The following WDR59 variants were observed in gnomAD, a reference collection of about 807,000 sequenced individuals.
WDR59 encodes WD repeat domain 59, also known as GATOR2 complex protein WDR59.
WDR59 carries 100 observed loss-of-function variants against 131.2 expected under a neutral mutation model. That is an observed-to-expected ratio of 0.76 (90% CI 0.65 to 0.90). The LOEUF (loss-of-function observed/expected upper bound fraction) is 0.90, where lower values mean the gene tolerates loss of function less well. WDR59 is among the 40% of genes least tolerant of loss of function. The pLI is 0.00. For missense variants in WDR59, 1,203 were observed against 1,262.2 expected (o/e 0.95, Z 0.71); for synonymous variants, 601 against 466.2 (o/e 1.29, Z -3.72).
chr16:74,949,629 AG>A, intron 5 of WDR59, 88 bp downstream of exon 5: 2 of 1,156,998 alleles, frequency 1.7e-6, no homozygotes, highest in Non-Finnish European at 2.5e-6. Flanking sequence ...GTCTGTATCG[AG>A]GGGAAACCAA....
chr16:74,887,076 C>T (rs1223185615), intron 23 of WDR59, among the ~76,000 whole-genome samples: 1 of 152,168 alleles, frequency 6.6e-6, no homozygotes, highest in Non-Finnish European at 1.5e-5. Flanking sequence ...AATGACCACA[C>T]TCCTGCACAC....
chr16:74,963,588 G>A (rs922494180), intron 2 of WDR59, among the ~76,000 whole-genome samples: 4 of 150,234 alleles, frequency 2.7e-5, no homozygotes, highest in Admixed American at 6.7e-5. Flanking sequence ...GGGACTTGTT[G>A]GGGGGCCAGG....
Position 74,874,365 on chromosome 16 carries a change from C to A in WDR59, c.2769G>T (p.Gln923His). The A allele has an allele frequency of 1.9e-6, 3 of 1,614,154 alleles. No homozygotes were observed. The highest frequency in any genetic ancestry group is 2.2e-5 in the South Asian group (2 of 91,084). ...QCAICKGFTF[Q>H]CAICHVAVRG... The stretch of plus-strand genomic sequence containing the variant: ...GCACAGCCACGTGACAGATGGCACA[C>A]TGGAACGTGAAGCCTTTGCAGATGG... The change falls in exon 26 of 26, where the codon CAG (glutamine) becomes CAT (histidine). Residue 923 changes from glutamine to histidine, a missense_variant. Gln to His is a conservative substitution (Grantham distance 24). Coordinates refer to ENST00000262144, the MANE Select transcript of WDR59 (RefSeq NM_030581.4).
At chr16:74,941,685 C>G (rs2145094983) in intron 7 of WDR59, among the ~76,000 whole-genome samples, 1 of 127,420 alleles carries the variant, frequency 7.8e-6, no homozygotes, top group Non-Finnish European at 1.6e-5. Flanking sequence ...GAATGAGACT[C>G]TGTCTCAAGA....
intron 18 of WDR59, among the ~76,000 whole-genome samples, chr16:74,902,811 G>T (rs1255352351): frequency 2.0e-5 from 3 of 152,020 alleles, no homozygotes; most frequent in Non-Finnish European, 4.4e-5. Context: ...GAATGGAAAG[G>T]ACTTGGAAAT....
intron 1 of WDR59, among the ~76,000 whole-genome samples, chr16:74,976,734 C>T (rs534793889): frequency 6.6e-6 from 1 of 152,172 alleles, no homozygotes; most frequent in African/African-American, 2.4e-5. Flanking sequence ...AGCGACCAAG[C>T]CCGGCCTAAA....
At chr16:74,928,011 G>A (rs1232129856) in intron 8 of WDR59, among the ~76,000 whole-genome samples, 19 of 148,126 alleles carry the variant, frequency 1.3e-4, no homozygotes, top group African/African-American at 3.0e-4. Context: ...AAGTTCAAGC[G>A]AATCTCCTGC....
At chr16:74,981,411 T>G (rs2034399022) in intron 1 of WDR59, among the ~76,000 whole-genome samples, 1 of 146,770 alleles carries the variant, frequency 6.8e-6, no homozygotes, top group Non-Finnish European at 1.5e-5. Context: ...CACACAAAAT[T>G]GTGGGGCTTG....
chr16:74,969,875 C>T (rs1309654097), intron 1 of WDR59, among the ~76,000 whole-genome samples: 1 of 151,960 alleles, frequency 6.6e-6, no homozygotes, highest in Admixed American at 6.6e-5. Context: ...CAGCCTCAAA[C>T]TCCTAGATTC....
intron 18 of WDR59, among the ~76,000 whole-genome samples, chr16:74,902,822 G>T (rs1276596380): frequency 6.6e-6 from 1 of 152,024 alleles, no homozygotes; most frequent in Non-Finnish European, 1.5e-5. Context: ...ACTTGGAAAT[G>T]ATATAGATTA....
Position 74,904,441 on chromosome 16 carries a change from T to G in WDR59, c.1713-341A>C, listed in dbSNP as rs1172427410. ...TTTAAAAGCTCATTTATAGTAGCAT[T>G]AAAACACGTCAAATACCTAGGAATA... On this transcript the variant is annotated intron_variant, in intron 17 of 25. Coordinates refer to ENST00000262144, the MANE Select transcript of WDR59 (RefSeq NM_030581.4). The G allele has an allele frequency of 1.4e-5, 3 of 221,298 alleles. No homozygotes were observed. In the East Asian group the frequency reaches 4.2e-4, roughly 31 times the overall value. 13.7% of individuals were successfully genotyped at this position (221,298 alleles called of 1,614,324 possible). A position where few individuals can be genotyped will look rare whatever the true frequency, so the allele number is the denominator to read the frequency against.
chr16:74,964,844 C>G (rs913944142), intron 2 of WDR59, among the ~76,000 whole-genome samples: 3 of 152,036 alleles, frequency 2.0e-5, no homozygotes, highest in Non-Finnish European at 2.9e-5. Context: ...AGGTAGATCA[C>G]CTGAGGTCAG....
Position 74,921,941 on chromosome 16 carries a change from A to C in WDR59, c.886+6T>G. The stretch of plus-strand genomic sequence containing the variant: ...GGAAAGTGGGCAGCAGGCCTCTCCC[A>C]CTCACCTTCCTTCTGCTTCCTCCAC... On this transcript the variant is annotated splice_donor_region_variant and intron_variant, in intron 10 of 25. Coordinates refer to ENST00000262144, the MANE Select transcript of WDR59 (RefSeq NM_030581.4). The C allele has an allele frequency of 6.2e-7, 1 of 1,613,020 alleles. No individual in the cohort carries two copies. Among genetic ancestry groups the C allele is most frequent in the Non-Finnish European group, 8.5e-7 (1 of 1,179,670 alleles).
At chr16:74,906,207 G>A (rs1249472375) in intron 17 of WDR59, among the ~76,000 whole-genome samples, 6 of 150,202 alleles carry the variant, frequency 4.0e-5, no homozygotes, top group African/African-American at 9.8e-5. Context: ...CCAGCTACTC[G>A]GGAGGCTGAG....
In WDR59 at chr16:74,875,547, T is replaced by C. The variant is rs78281303; in HGVS notation, c.2690-1103A>G. 1.8e-3 allele frequency among the ~76,000 whole-genome samples: 268 copies of C among 152,256 alleles called. 1 individual carries two copies. Among genetic ancestry groups the C allele is most frequent in the African/African-American group, 6.3e-3 (260 of 41,556 alleles). On this transcript the variant is annotated intron_variant, in intron 25 of 25. Transcript: ENST00000262144. ...CTCTACCCCAGTTCTTAGATGATCC[T>C]GGAGGTCTCCCAAACCTACACCACT...
At chr16:74,896,788 G>A (rs1421546915) in intron 18 of WDR59, among the ~76,000 whole-genome samples, 2 of 152,170 alleles carry the variant, frequency 1.3e-5, no homozygotes, top group Non-Finnish European at 2.9e-5. Flanking sequence ...GTATACAAAT[G>A]TTTGACTGAG....
intron 17 of WDR59, 28 bp downstream of exon 17, chr16:74,908,880 G>C (rs181285026): frequency 3.4e-5 from 54 of 1,609,032 alleles, no homozygotes; most frequent in Admixed American, 6.7e-5. Context: ...CGGGAACGTA[G>C]AGCGGCTTCT....
intron 1 of WDR59, among the ~76,000 whole-genome samples, chr16:74,981,397 C>A (rs1221154642): frequency 5.5e-5 from 8 of 146,218 alleles, no homozygotes; most frequent in Non-Finnish European, 1.1e-4. Context: ...AAAAAAAACA[C>A]ACACACACAA....
At chr16:74,896,497 T>C (rs1249219200) in intron 18 of WDR59, among the ~76,000 whole-genome samples, 2 of 152,070 alleles carry the variant, frequency 1.3e-5, no homozygotes, top group African/African-American at 4.8e-5. Flanking sequence ...TAGCAGGGCA[T>C]GGGGGCGTGG....
Sources: allele counts gnomAD v4.1 joint callset (sites outside exome capture counted in the v4.1 genomes callset), GRCh38; gene constraint gnomAD v4.1.1; transcripts MANE v1.5; gene names NCBI Gene and HGNC (gene_info 2026-07-23, HGNC 2026-07-21).